MDGA2: variants seen among roughly 807,000 people sequenced by gnomAD.
MDGA2 encodes MAM domain containing glycosylphosphatidylinositol anchor 2, also known as MAM domain-containing glycosylphosphatidylinositol anchor protein 2.
In MDGA2, 40 loss-of-function variants were observed where a neutral mutation model predicts 117.8. The ratio of observed to expected loss-of-function variants is 0.34; its 90% CI spans 0.26 to 0.44. The LOEUF (loss-of-function observed/expected upper bound fraction) is 0.44. Ranked by LOEUF, MDGA2 falls within the 20% of genes least tolerant of loss-of-function variation. MDGA2 has a pLI of 1.00. For synonymous variants in MDGA2, 452 were observed against 439.0 expected, an observed-to-expected ratio of 1.03 and a Z score of -0.37; for missense variants, 1,123 against 1,250.6, an observed-to-expected ratio of 0.90 and a Z score of 1.54.
chr14:46,875,698 G>A (rs1882198989), intron 12 of MDGA2, among the ~76,000 whole-genome samples: 1 of 151,516 alleles, frequency 6.6e-6, no homozygotes, highest in African/African-American at 2.4e-5. Context: ...GGTATGACAT[G>A]AAATTCCATT....
At chr14:46,871,977 A>G (rs991776732) in intron 14 of MDGA2, 3 of 247,396 alleles carry the variant, frequency 1.2e-5, no homozygotes, top group African/African-American at 4.5e-5. Context: ...CATAAAAAAT[A>G]AAAATAAAAA....
intron 8 of MDGA2, among the ~76,000 whole-genome samples, chr14:46,981,531 G>T (rs1354915833): frequency 6.6e-6 from 1 of 152,132 alleles, no homozygotes; most frequent in South Asian, 2.1e-4. Context: ...AGGGCTTATG[G>T]CTAAGTTAAA....
At position 47,476,369 on chromosome 14, in the gene MDGA2, G is replaced by A. The variant is rs950630533; in HGVS notation, c.281-174819C>T. On this transcript the variant is annotated intron_variant, in intron 1 of 16. Transcript: ENST00000399232. ...TGTTAAATAAGTTTTAGAGACACACGTAAACAACTTAGGTTTTTTTTTGTA... is the reference window on the plus strand; with the variant it reads ...TGTTAAATAAGTTTTAGAGACACACATAAACAACTTAGGTTTTTTTTTGTA... Among the ~76,000 whole-genome samples the A allele has an allele frequency of 2.6e-4, 39 of 151,740 alleles. No homozygotes were observed. The South Asian group carries it at 6.6e-3, about 26-fold the overall frequency.
At chr14:47,521,948 A>C (rs1052862349) in intron 1 of MDGA2, among the ~76,000 whole-genome samples, 5 of 152,196 alleles carry the variant, frequency 3.3e-5, no homozygotes, top group African/African-American at 1.2e-4. Flanking sequence ...CTGGGATTAC[A>C]AACGTGAACC....
intron 3 of MDGA2, among the ~76,000 whole-genome samples, chr14:47,208,324 T>G (rs1294140238): frequency 6.6e-6 from 1 of 152,026 alleles, no homozygotes; most frequent in African/African-American, 2.4e-5. Context: ...CTGAATACAT[T>G]CAGAGAAAGT....
At chr14:47,528,279 CA>C (rs148762426) in intron 1 of MDGA2, among the ~76,000 whole-genome samples, 1,620 of 152,330 alleles carry the variant, frequency 0.011, 30 homozygotes, top group African/African-American at 0.037. Context: ...CAAATTTAAT[CA>C]GTGCTTATCG....
At chr14:47,406,873 T>C (rs1892270967) in intron 1 of MDGA2, among the ~76,000 whole-genome samples, 1 of 152,090 alleles carries the variant, frequency 6.6e-6, no homozygotes, top group Non-Finnish European at 1.5e-5. Flanking sequence ...GGACTGCCAC[T>C]CACTGTTTGA....
chr14:47,041,703 T>C (rs1889077394), intron 7 of MDGA2, among the ~76,000 whole-genome samples: 2 of 152,030 alleles, frequency 1.3e-5, no homozygotes, highest in African/African-American at 4.8e-5. Context: ...TCACAGACTG[T>C]AAAATGAAGC....
chr14:47,278,258 T>C (rs974400544), intron 2 of MDGA2, among the ~76,000 whole-genome samples: 1 of 152,132 alleles, frequency 6.6e-6, no homozygotes, highest in Non-Finnish European at 1.5e-5. Context: ...AAGGTTACTC[T>C]TGGAGAATAT....
At chr14:47,251,888 G>A (rs552599011) in intron 2 of MDGA2, among the ~76,000 whole-genome samples, 2 of 152,120 alleles carry the variant, frequency 1.3e-5, no homozygotes, top group South Asian at 4.2e-4. Context: ...TAAAAAATAG[G>A]GAAGTTAATA....
At chr14:47,650,473 G>GT (rs1205524457) in intron 1 of MDGA2, among the ~76,000 whole-genome samples, 2 of 152,130 alleles carry the variant, frequency 1.3e-5, no homozygotes, top group African/African-American at 2.4e-5. Flanking sequence ...ATCTGTATGG[G>GT]TTTTTTCTGG....
chr14:47,595,257 T>G (rs1594935194), intron 1 of MDGA2, among the ~76,000 whole-genome samples: 1 of 150,408 alleles, frequency 6.6e-6, no homozygotes, highest in Non-Finnish European at 1.5e-5. Flanking sequence ...AAAGAAAAAC[T>G]GATATACTTT....
At chr14:47,168,878 C>T (rs1022606990) in intron 3 of MDGA2, among the ~76,000 whole-genome samples, 2 of 151,940 alleles carry the variant, frequency 1.3e-5, no homozygotes, top group Admixed American at 6.6e-5. Context: ...AACTAAATCA[C>T]CTAAAGTATT....
intron 10 of MDGA2, among the ~76,000 whole-genome samples, chr14:46,895,167 A>G (rs1883026772): frequency 2.0e-5 from 3 of 152,080 alleles, no homozygotes; most frequent in Non-Finnish European, 2.9e-5. Context: ...AGTTCTCATA[A>G]TCTTCACGTG....
At chr14:47,456,035 T>A (rs1893344484) in intron 1 of MDGA2, among the ~76,000 whole-genome samples, 2 of 151,312 alleles carry the variant, frequency 1.3e-5, no homozygotes, top group Admixed American at 1.3e-4. Flanking sequence ...AAATAAAAAT[T>A]AAAATAAAGA....
chr14:47,259,908 G>C (rs1887739827), intron 2 of MDGA2, among the ~76,000 whole-genome samples: 1 of 152,026 alleles, frequency 6.6e-6, no homozygotes, highest in Admixed American at 6.6e-5. Flanking sequence ...TATTATATAA[G>C]AGACTTTGAC....
At chr14:46,916,733 G>C (rs1337317612) in intron 10 of MDGA2, among the ~76,000 whole-genome samples, 1 of 151,962 alleles carries the variant, frequency 6.6e-6, no homozygotes, top group African/African-American at 2.4e-5. Context: ...TGGCAGAACA[G>C]CACAAAGTCA....
chr14:46,879,625 T>G (rs1882367467), intron 11 of MDGA2, among the ~76,000 whole-genome samples: 1 of 152,128 alleles, frequency 6.6e-6, no homozygotes, highest in Non-Finnish European at 1.5e-5. Flanking sequence ...CTAATTAACT[T>G]TTTAAAATCT....
At chr14:47,270,291 G>A (rs1379943887) in intron 2 of MDGA2, among the ~76,000 whole-genome samples, 2 of 151,970 alleles carry the variant, frequency 1.3e-5, no homozygotes, top group Non-Finnish European at 2.9e-5. Flanking sequence ...TTTCTACTGC[G>A]TGTATGTGCA....
Sources: allele counts gnomAD v4.1 joint callset (sites outside exome capture counted in the v4.1 genomes callset), GRCh38; gene constraint gnomAD v4.1.1; transcripts MANE v1.5; gene names NCBI Gene and HGNC (gene_info 2026-07-23, HGNC 2026-07-21).